Variants in KCNQ1 observed in about 807,000 individuals in gnomAD.
The protein encoded by KCNQ1 is potassium voltage-gated channel subfamily Q member 1.
In KCNQ1, 49 loss-of-function variants were observed where a neutral mutation model predicts 72.4. The ratio of observed to expected loss-of-function variants is 0.68; its 90% CI spans 0.54 to 0.86. KCNQ1 has a LOEUF of 0.86. KCNQ1 is among the 40% of genes least tolerant of loss of function. The probability of loss-of-function intolerance (pLI) is 0.00; values close to 1 mark genes in which losing one functional copy is unlikely to be tolerated. For synonymous variants in KCNQ1, 450 were observed against 412.6 expected, an observed-to-expected ratio of 1.09 and a Z score of -1.10; for missense variants, 790 against 945.1, an observed-to-expected ratio of 0.84 and a Z score of 2.15.
At chr11:2,751,562 A>G (rs1590068212) in intron 11 of KCNQ1, among the ~76,000 whole-genome samples, 1 of 152,248 alleles carries the variant, frequency 6.6e-6, no homozygotes, top group Non-Finnish European at 1.5e-5. Context: ...GCTGGTGGGC[A>G]CCATCCCGGC....
At chr11:2,810,570 G>A (rs186072636) in intron 15 of KCNQ1, among the ~76,000 whole-genome samples, 4 of 152,264 alleles carry the variant, frequency 2.6e-5, no homozygotes, top group Admixed American at 1.3e-4. Flanking sequence ...ATGGCATTCC[G>A]CCCTCATTTG....
In KCNQ1 at chr11:2,652,660, G is replaced by C; in HGVS notation, c.1394-9301G>C. 2.5e-6 allele frequency: 1 copy of C among 398,748 alleles called. No homozygotes were observed. Among genetic ancestry groups the C allele is most frequent in the Non-Finnish European group, 4.4e-6 (1 of 226,200 alleles). 24.7% of individuals were successfully genotyped at this position (398,748 alleles called of 1,614,324 possible). ...GTGACTTCCTGCAGCATGGAGACCC[G>C]GGTGGGTCGATTTTAGTTGTGTGGG... On this transcript the variant is annotated intron_variant, in intron 10 of 15. Transcript: ENST00000155840. This position sits in a 1 kb window ranked among gnomAD's most constrained non-coding sequence, Gnocchi z 5.9.
intron 11 of KCNQ1, chr11:2,681,488 G>C (rs1258679111): frequency 5.0e-6 from 2 of 398,294 alleles, no homozygotes; most frequent in Non-Finnish European, 8.8e-6. Context: ...ATGAGAAATG[G>C]GACTTAGTAA....
chr11:2,796,630 C>T (rs1444933136), intron 15 of KCNQ1, among the ~76,000 whole-genome samples: 2 of 152,212 alleles, frequency 1.3e-5, no homozygotes, highest in African/African-American at 2.4e-5. Context: ...CTCAGCCCCT[C>T]GGGGCCGTGT....
chr11:2,662,135 G>A (rs1046515647), intron 11 of KCNQ1, 54 bp downstream of exon 11: 11 of 1,611,294 alleles, frequency 6.8e-6, no homozygotes, highest in Admixed American at 6.7e-5. Flanking sequence ...GGAGCTCAAG[G>A]AGTCAGACTT....
chr11:2,520,168 C>G (rs537330968), intron 1 of KCNQ1, among the ~76,000 whole-genome samples: 6 of 152,328 alleles, frequency 3.9e-5, no homozygotes, highest in Admixed American at 2.0e-4. Flanking sequence ...TGTGTCTGAG[C>G]CTCAGTGTCC....
chr11:2,547,924 C>T lies in KCNQ1; in HGVS notation c.477+19906C>T, dbSNP rs958442307. On this transcript the variant is annotated intron_variant, in intron 2 of 15. Transcript: ENST00000155840. This position sits in a 1 kb window ranked among gnomAD's most constrained non-coding sequence, Gnocchi z 4.2. ...ACCCGGATGGGGCGTGTGCCTGGCG[C>T]GGGTGGAGGGAGCTGTGAGGAGCCT... Among the ~76,000 whole-genome samples the T allele has an allele frequency of 2.6e-5, 4 of 152,080 alleles. No individual in the cohort carries two copies. The highest frequency in any genetic ancestry group is 1.5e-5 in the Non-Finnish European group (1 of 68,002).
chr11:2,568,626 A>G (rs1034079111), intron 2 of KCNQ1, among the ~76,000 whole-genome samples: 2 of 152,224 alleles, frequency 1.3e-5, no homozygotes, highest in Non-Finnish European at 2.9e-5. Context: ...GCTCATTGGA[A>G]TAGTCATTTA....
intron 15 of KCNQ1, among the ~76,000 whole-genome samples, chr11:2,814,556 G>C (rs1847575555): frequency 6.6e-6 from 1 of 151,558 alleles, no homozygotes; most frequent in Non-Finnish European, 1.5e-5. Flanking sequence ...ATGGAGAAAT[G>C]ATGGATAGGT....
intron 10 of KCNQ1, among the ~76,000 whole-genome samples, chr11:2,594,396 T>C (rs985077528): frequency 6.6e-6 from 1 of 152,214 alleles, no homozygotes; most frequent in Admixed American, 6.5e-5. Context: ...ACCAAGGTGG[T>C]GCATTATTTT....
At chr11:2,804,578 C>T (rs1165132323) in intron 15 of KCNQ1, among the ~76,000 whole-genome samples, 1 of 152,182 alleles carries the variant, frequency 6.6e-6, no homozygotes, top group African/African-American at 2.4e-5. Flanking sequence ...TCTAACTTGA[C>T]AGAGTGGTTC....
At chr11:2,610,178 T>TA in intron 10 of KCNQ1, 2 of 397,964 alleles carry the variant, frequency 5.0e-6, no homozygotes, top group East Asian at 3.6e-5. Flanking sequence ...TTCTATTTGT[T>TA]ATTAGTGTTT....
intron 15 of KCNQ1, among the ~76,000 whole-genome samples, chr11:2,779,553 CCCCCGCCTTT>C (rs1183917323): frequency 6.6e-6 from 1 of 152,146 alleles, no homozygotes; most frequent in Non-Finnish European, 1.5e-5. Flanking sequence ...CTGGGGACAG[CCCCCGCCTTT>C]CCCCGCCACT....
intron 15 of KCNQ1, among the ~76,000 whole-genome samples, chr11:2,844,460 C>T (rs1848279200): frequency 6.6e-6 from 1 of 152,198 alleles, no homozygotes; most frequent in Non-Finnish European, 1.5e-5. Flanking sequence ...CTGGGACCAG[C>T]CAGAGCCAGG....
intron 15 of KCNQ1, among the ~76,000 whole-genome samples, chr11:2,836,255 G>A (rs189327691): frequency 9.8e-5 from 15 of 152,308 alleles, no homozygotes; most frequent in East Asian, 7.7e-4. Flanking sequence ...GATTCAAGGC[G>A]GGTGGCTTGG....
At position 2,691,232 on chromosome 11, in the gene KCNQ1, C is replaced by A. The variant is rs748549815; in HGVS notation, c.1514+29151C>A. The A allele has an allele frequency of 8.8e-5, 35 of 398,486 alleles. No homozygotes were observed. Among genetic ancestry groups the A allele is most frequent in the Non-Finnish European group, 1.0e-4 (23 of 226,100 alleles). The allele number at this position is 398,486 out of a possible 1,614,324, so 24.7% of individuals were successfully genotyped here. ...GCAAGTGGAGGAGTTAGAGGATCTG[C>A]AGTTAACCCCTTGAGTCTCGGAAGG... On this transcript the variant is annotated intron_variant, in intron 11 of 15. Transcript: ENST00000155840. This position sits in a 1 kb window ranked among gnomAD's most constrained non-coding sequence, Gnocchi z 6.4.
intron 11 of KCNQ1, chr11:2,688,846 G>C (rs1850541381): frequency 2.5e-6 from 1 of 398,846 alleles, no homozygotes; most frequent in Non-Finnish European, 4.4e-6. Context: ...CACTCCAGGT[G>C]GAGAGGGCTG....
chr11:2,847,782 C>A lies in KCNQ1; in HGVS notation c.1810C>A (p.Gln604Lys). 6.4e-7 allele frequency: 1 copy of A among 1,573,496 alleles called. No individual in the cohort carries two copies. Among genetic ancestry groups the A allele is most frequent in the Non-Finnish European group, 8.6e-7 (1 of 1,159,090 alleles). ...GTCCCCGCAGGTGACGCAGCTGGAC[C>A]AGAGGCTGGCACTCATCACCGACAT... ...RVEDKVTQLD[Q>K]RLALITDMLH... is the part of the protein sequence containing the mutation. Residue 604 changes from glutamine to lysine, a missense_variant, in exon 16 of 16, where the codon CAG becomes AAG. By Grantham distance (53) the Gln-to-Lys change is moderately conservative (BLOSUM62 1). Coordinates refer to ENST00000155840, the MANE Select transcript of KCNQ1 (RefSeq NM_000218.3).
At chr11:2,459,639 C>T (rs988350609) in intron 1 of KCNQ1, among the ~76,000 whole-genome samples, 3 of 152,096 alleles carry the variant, frequency 2.0e-5, no homozygotes, top group African/African-American at 7.2e-5. Context: ...CAGTAGAGGG[C>T]GGCCCTGGGG....
Sources: gnomAD v4.1 joint callset for allele counts (sites outside exome capture counted in the v4.1 genomes callset) on GRCh38, gnomAD v4.1.1 for gene constraint, Gnocchi (gnomAD v3.1) non-coding constraint, MANE v1.5 for transcripts, NCBI Gene and HGNC (gene_info 2026-07-23, HGNC 2026-07-21) for gene names.